The following SWI5 variants were observed in gnomAD, a reference collection of about 807,000 sequenced individuals.
SWI5 encodes the protein SWI5 homologous recombination repair protein.
In SWI5, 12 loss-of-function variants were observed where a neutral mutation model predicts 17.0. The observed-to-expected ratio is 0.71, with a 90% CI of 0.45 to 1.14. The LOEUF (loss-of-function observed/expected upper bound fraction) is 1.14. Ranked by LOEUF, SWI5 falls within the 50% of genes most tolerant of loss-of-function variation. The pLI is 0.00. For synonymous variants in SWI5, 61 were observed against 64.0 expected, an observed-to-expected ratio of 0.95 and a Z score of 0.22; for missense variants, 158 against 162.2, an observed-to-expected ratio of 0.97 and a Z score of 0.14.
At chr9:128,278,793 G>A in intron 2 of SWI5, 1 of 417,484 alleles carries the variant, frequency 2.4e-6, no homozygotes, top group East Asian at 7.4e-5. Context: ...TTTTATTTGA[G>A]ACGGAATCTT....
At chr9:128,288,480 G>C (rs1470144971) in intron 4 of SWI5, among the ~76,000 whole-genome samples, 172 bp from the exon 5 acceptor site, 1 of 152,220 alleles carries the variant, frequency 6.6e-6, no homozygotes, top group Non-Finnish European at 1.5e-5. Context: ...CAGCCTGGAA[G>C]GAGTAGCAGG....
chr9:128,279,838 C>T (rs1831505479), intron 2 of SWI5, among the ~76,000 whole-genome samples: 1 of 152,108 alleles, frequency 6.6e-6, no homozygotes, highest in Non-Finnish European at 1.5e-5. Flanking sequence ...TAACGGGTGC[C>T]TTCCCAGACA....
intron 3 of SWI5, among the ~76,000 whole-genome samples, chr9:128,284,834 T>G (rs961777965): frequency 7.9e-5 from 12 of 151,910 alleles, no homozygotes; most frequent in Non-Finnish European, 1.8e-4. Flanking sequence ...TACGCGCATG[T>G]AGTCCCAGCT....
At chr9:128,275,952 G>A (rs1161526464), upstream of SWI5, 1 of 1,595,588 alleles carries the variant, frequency 6.3e-7, no homozygotes, top group Non-Finnish European at 8.5e-7. Flanking sequence ...GCGGGGCGGG[G>A]AGGGAGGCGG....
At chr9:128,287,078 T>C (rs1253797300) in intron 4 of SWI5, among the ~76,000 whole-genome samples, 1 of 136,664 alleles carries the variant, frequency 7.3e-6, no homozygotes, top group Non-Finnish European at 1.6e-5. Flanking sequence ...GAGGCAGAGG[T>C]TGTGGTGAGC....
At chr9:128,288,258 T>G (rs1397078534) in intron 4 of SWI5, among the ~76,000 whole-genome samples, 1 of 151,288 alleles carries the variant, frequency 6.6e-6, no homozygotes, top group Non-Finnish European at 1.5e-5. Context: ...TACTGAGGAG[T>G]CTGGAATGTT....
At chr9:128,280,968 A>G (rs1478083707) in intron 2 of SWI5, among the ~76,000 whole-genome samples, 1 of 148,078 alleles carries the variant, frequency 6.8e-6, no homozygotes, top group Non-Finnish European at 1.5e-5. Context: ...TGCTGCCAGG[A>G]TCCCCATGGA....
chr9:128,284,182 G>C (rs57786310), intron 2 of SWI5, among the ~76,000 whole-genome samples: 2 of 150,902 alleles, frequency 1.3e-5, no homozygotes, highest in Non-Finnish European at 3.0e-5. Context: ...CCAGCTACTC[G>C]GGAGGCTGAG....
At chr9:128,278,961 C>CAG (rs147696382) in intron 2 of SWI5, among the ~76,000 whole-genome samples, 38,091 of 151,640 alleles carry the variant, frequency 0.25, 6,091 homozygotes, top group African/African-American at 0.46. Context: ...TTAGTAGAGA[C>CAG]GGTTTTGCCA....
At chr9:128,284,098 C>A (rs569720637) in intron 2 of SWI5, among the ~76,000 whole-genome samples, 50 of 151,854 alleles carry the variant, frequency 3.3e-4, no homozygotes, top group African/African-American at 1.2e-3. Flanking sequence ...GAGTTCGAGA[C>A]CAGCCTGGCC....
In SWI5 at chr9:128,285,894, T is replaced by C. The variant is rs750926240; in HGVS notation, c.234-45T>C. The C allele has an allele frequency of 2.9e-6, 4 of 1,397,976 alleles. No homozygotes were observed. Among genetic ancestry groups the C allele is most frequent in the South Asian group, 1.2e-5 (1 of 86,094 alleles). 86.6% of individuals were successfully genotyped at this position (1,397,976 alleles called of 1,614,324 possible). A position where few individuals can be genotyped will look rare whatever the true frequency, so the allele number is the denominator to read the frequency against. On this transcript the variant is annotated intron_variant, in intron 3 of 4. Coordinates refer to ENST00000418976, the Ensembl canonical transcript of SWI5. The surrounding 1 kb of genome is among the most constrained non-coding windows in gnomAD (Gnocchi z 4.8). ...CTGAGCCTGGGGCCATCATCTGCTT[T>C]CTTAACTGGGCTGTCTTTCCCCCTC...
At chr9:128,277,397 C>CA (rs771001636) in intron 2 of SWI5, among the ~76,000 whole-genome samples, 2 of 151,984 alleles carry the variant, frequency 1.3e-5, no homozygotes, top group Non-Finnish European at 1.5e-5. Flanking sequence ...ACTAAAAATA[C>CA]AAAAAAATCA....
At chr9:128,277,560 A>G (rs567275864) in intron 2 of SWI5, among the ~76,000 whole-genome samples, 1 of 152,350 alleles carries the variant, frequency 6.6e-6, no homozygotes, top group South Asian at 2.1e-4. Context: ...CTCAAAAACA[A>G]AAAAGAAGTT....
intron 2 of SWI5, among the ~76,000 whole-genome samples, chr9:128,284,104 T>C (rs1831589953): frequency 6.6e-6 from 1 of 151,738 alleles, no homozygotes; most frequent in Admixed American, 6.6e-5. Flanking sequence ...GAGACCAGCC[T>C]GGCCAATATG....
At chr9:128,276,212 C>T (rs1188384949), upstream of SWI5, 1 of 1,608,462 alleles carries the variant, frequency 6.2e-7, no homozygotes, top group Admixed American at 1.7e-5. Context: ...CCGCTGTCCC[C>T]GCCCACCTCG....
chr9:128,288,868 C>T lies in SWI5; in HGVS notation c.*152C>T, dbSNP rs1016907257. 5 of 796,582 alleles carry T rather than the reference C, an allele frequency of 6.3e-6. No homozygotes were observed. In the African/African-American group the frequency reaches 8.5e-5, roughly 14 times the overall value. The allele number at this position is 796,582 out of a possible 1,614,324, so 49.3% of individuals were successfully genotyped here. Reference sequence around the variant, plus strand: ...GAGCCCAAGCCCAATCAGGAGGAGGCTAGAGAAGAGGCGGGCAGGGAGGAA... The same window carrying T: ...GAGCCCAAGCCCAATCAGGAGGAGGTTAGAGAAGAGGCGGGCAGGGAGGAA... On this transcript the variant is annotated 3_prime_UTR_variant, in exon 5 of 5. Coordinates refer to ENST00000418976, the Ensembl canonical transcript of SWI5.
chr9:128,278,304 C>CA (rs1720897112), intron 2 of SWI5, among the ~76,000 whole-genome samples: 1 of 152,062 alleles, frequency 6.6e-6, no homozygotes, highest in Admixed American at 6.6e-5. Context: ...CACAGTGACT[C>CA]ACGCCTATAA....
chr9:128,276,499 C>A lies in SWI5; in HGVS notation c.62+97C>A, dbSNP rs1360212617. 4 of 1,575,880 alleles carry A rather than the reference C, an allele frequency of 2.5e-6. No individual in the cohort carries two copies. The African/African-American group carries it at 5.4e-5, about 21-fold the overall frequency. On this transcript the variant is annotated intron_variant, in intron 1 of 4. Coordinates refer to ENST00000418976, the Ensembl canonical transcript of SWI5. ...GAAATCACCTCCAAAGACTCCCATCCAGTGCTCCAGACAACCCCCGTCTCA... is the reference window on the plus strand; with the variant it reads ...GAAATCACCTCCAAAGACTCCCATCAAGTGCTCCAGACAACCCCCGTCTCA...
chr9:128,278,146 A>G (rs1713801977), intron 2 of SWI5, among the ~76,000 whole-genome samples: 1 of 151,282 alleles, frequency 6.6e-6, no homozygotes, highest in South Asian at 2.1e-4. Flanking sequence ...GTAGAGACAA[A>G]TTTTCGCCAT....
Sources: allele counts gnomAD v4.1 joint callset (sites outside exome capture counted in the v4.1 genomes callset), GRCh38; gene constraint gnomAD v4.1.1; non-coding constraint Gnocchi (gnomAD v3.1); transcripts MANE v1.5; gene names NCBI Gene and HGNC (gene_info 2026-07-23, HGNC 2026-07-21).